COPS7B: variants seen among roughly 807,000 people sequenced by gnomAD.
COPS7B encodes the protein COP9 signalosome complex subunit 7b.
COPS7B carries 9 observed loss-of-function variants against 33.4 expected under a neutral mutation model. The ratio of observed to expected loss-of-function variants is 0.27; its 90% CI spans 0.16 to 0.47. The LOEUF (loss-of-function observed/expected upper bound fraction) is 0.47. Ranked by LOEUF, COPS7B falls within the 20% of genes least tolerant of loss-of-function variation. COPS7B has a pLI of 0.99. For missense variants in COPS7B, 242 were observed against 318.2 expected (o/e 0.76, Z 1.82); for synonymous variants, 119 against 126.3 (o/e 0.94, Z 0.39).
chr2:231,781,909 A>G (rs1205757387), upstream of COPS7B: 5 of 1,546,458 alleles, frequency 3.2e-6, no homozygotes, highest in Non-Finnish European at 4.4e-6. Flanking sequence ...ACAAACAAAA[A>G]CACTGATTAA....
At chr2:231,805,562 TA>T (rs761313661) in intron 6 of COPS7B, among the ~76,000 whole-genome samples, 41 of 151,394 alleles carry the variant, frequency 2.7e-4, no homozygotes, top group Admixed American at 5.9e-4. Context: ...CTCCTGGACT[TA>T]AGTGATCCTC....
chr2:231,782,028 G>C, upstream of COPS7B: 1 of 699,302 alleles, frequency 1.4e-6, no homozygotes, highest in Non-Finnish European at 2.4e-6. Flanking sequence ...TTTGCACCGG[G>C]AGAGCTATGG....
upstream of COPS7B, among the ~76,000 whole-genome samples, chr2:231,783,470 G>A (rs1041765886): frequency 6.6e-6 from 1 of 152,160 alleles, no homozygotes; most frequent in Non-Finnish European, 1.5e-5. Context: ...AGCCGTTCTG[G>A]CTGAATGTGG....
Position 231,808,676 on chromosome 2 carries a change from T to A in COPS7B, c.*1031T>A, listed in dbSNP as rs1306286920. ...TTTCAGGTTATATTTTAATTTTTTT[T>A]TTTTTGTACAGGTTCTGATTCTAAT... On this transcript the variant is annotated 3_prime_UTR_variant, in exon 7 of 7. Transcript: ENST00000350033. 1 of 323,708 alleles carries A rather than the reference T, an allele frequency of 3.1e-6. No homozygotes were observed. The highest frequency in any genetic ancestry group is 6.2e-6 in the Non-Finnish European group (1 of 161,188). 20.1% of individuals were successfully genotyped at this position (323,708 alleles called of 1,614,324 possible). A position where few individuals can be genotyped will look rare whatever the true frequency, so the allele number is the denominator to read the frequency against.
At chr2:231,803,657 A>G (rs931426814) in intron 6 of COPS7B, among the ~76,000 whole-genome samples, 11 of 152,190 alleles carry the variant, frequency 7.2e-5, no homozygotes, top group African/African-American at 1.7e-4. Flanking sequence ...AGGCTTTTAA[A>G]TAGAATTGAG....
At chr2:231,781,718 T>A (rs2049135319), upstream of COPS7B, 2 of 875,394 alleles carry the variant, frequency 2.3e-6, no homozygotes, top group Non-Finnish European at 1.8e-6. Flanking sequence ...GACTCCAGTG[T>A]GCCGCGCAGT....
At chr2:231,781,740 C>T (rs943412214), upstream of COPS7B, 3 of 1,247,322 alleles carry the variant, frequency 2.4e-6, no homozygotes, top group South Asian at 3.9e-5. Flanking sequence ...TGCGCAAATT[C>T]ACAAACCCGC....
At chr2:231,803,173 A>G (rs2049796702) in intron 6 of COPS7B, among the ~76,000 whole-genome samples, 1 of 152,222 alleles carries the variant, frequency 6.6e-6, no homozygotes, top group Non-Finnish European at 1.5e-5. Flanking sequence ...CCAGGCAAGT[A>G]CAGATTGAAG....
At chr2:231,781,970 C>T, upstream of COPS7B, 1 of 1,309,062 alleles carries the variant, frequency 7.6e-7, no homozygotes, top group Non-Finnish European at 1.1e-6. Context: ...GTTTGTTGGT[C>T]TGAGGCGCCT....
At chr2:231,788,808 C>A in intron 2 of COPS7B, 76 bp downstream of exon 2, 2 of 1,427,096 alleles carry the variant, frequency 1.4e-6, no homozygotes, top group Admixed American at 1.9e-5. Flanking sequence ...AATTTCAGTG[C>A]TGAAGTATTG....
At chr2:231,782,445 C>T (rs757752965), upstream of COPS7B, among the ~76,000 whole-genome samples, 2 of 152,204 alleles carry the variant, frequency 1.3e-5, no homozygotes, top group Non-Finnish European at 2.9e-5. Context: ...GGTAAAATTA[C>T]AGTGTGAGCC....
In COPS7B at chr2:231,807,773, C is replaced by A; in HGVS notation, c.*128C>A. ...GCCCGTCCCCTCACCAGCGCCTCCCCACCCTGTTGGTACTGTTCCAGAAAA... is the reference window on the plus strand; with the variant it reads ...GCCCGTCCCCTCACCAGCGCCTCCCAACCCTGTTGGTACTGTTCCAGAAAA... On this transcript the variant is annotated 3_prime_UTR_variant, in exon 7 of 7. Coordinates refer to ENST00000350033, the MANE Select transcript of COPS7B (RefSeq NM_022730.4). 1 of 815,826 alleles carries A rather than the reference C, an allele frequency of 1.2e-6. No homozygotes were observed. The highest frequency in any genetic ancestry group is 1.9e-6 in the Non-Finnish European group (1 of 533,728). The allele number at this position is 815,826 out of a possible 1,614,324, so 50.5% of individuals were successfully genotyped here.
At chr2:231,800,687 A>T (rs1037350222) in intron 6 of COPS7B, among the ~76,000 whole-genome samples, 4 of 152,228 alleles carry the variant, frequency 2.6e-5, no homozygotes, top group African/African-American at 9.6e-5. Context: ...TTAAACACAG[A>T]GGGTGGGTGT....
In COPS7B at chr2:231,809,010, A is replaced by T. The variant is rs1559385712; in HGVS notation, c.*1365A>T. 6.6e-6 allele frequency: 1 copy of T among 152,370 alleles called. No individual in the cohort carries two copies. The highest frequency in any genetic ancestry group is 2.4e-5 in the African/African-American group (1 of 41,418). 9.4% of individuals were successfully genotyped at this position (152,370 alleles called of 1,614,324 possible). On this transcript the variant is annotated 3_prime_UTR_variant, in exon 7 of 7. Coordinates refer to ENST00000350033, the MANE Select transcript of COPS7B (RefSeq NM_022730.4). ...CAGGAAAATGTGATGCTGTTTCCCC[A>T]TGTTTAGCCATGGTCAAAAAATGGA...
chr2:231,796,981 A>C (rs1398239872), intron 5 of COPS7B, among the ~76,000 whole-genome samples: 1 of 152,238 alleles, frequency 6.6e-6, no homozygotes, highest in Non-Finnish European at 1.5e-5. Flanking sequence ...ACGAGGATTC[A>C]CTGTGGAGTG....
intron 6 of COPS7B, among the ~76,000 whole-genome samples, chr2:231,804,900 G>T (rs11886644): frequency 6.6e-6 from 1 of 151,990 alleles, no homozygotes; most frequent in African/African-American, 2.4e-5. Context: ...AAGTCATGTC[G>T]TTACCTCTTA....
chr2:231,807,457 G>T, intron 6 of COPS7B, 30 bp from the exon 7 acceptor site: 1 of 1,593,306 alleles, frequency 6.3e-7, no homozygotes, highest in South Asian at 1.1e-5. Context: ...CATACAGGCT[G>T]AGCACTCCAA....
At chr2:231,799,930 G>A (rs577419931) in intron 6 of COPS7B, among the ~76,000 whole-genome samples, 3 of 152,280 alleles carry the variant, frequency 2.0e-5, no homozygotes, top group Admixed American at 6.5e-5. Flanking sequence ...TTTGTAAGAC[G>A]AGCGTCTTGT....
chr2:231,801,068 C>G, intron 6 of COPS7B: 1 of 1,248,386 alleles, frequency 8.0e-7, no homozygotes, highest in Non-Finnish European at 1.1e-6. Flanking sequence ...CCTCTGTTAC[C>G]CTTGGCCTAA....
Sources: gnomAD v4.1 joint callset for allele counts (sites outside exome capture counted in the v4.1 genomes callset) on GRCh38, gnomAD v4.1.1 for gene constraint, MANE v1.5 for transcripts, NCBI Gene and HGNC (gene_info 2026-07-23, HGNC 2026-07-21) for gene names.